The following SNTG1 variants were observed in gnomAD, a reference collection of about 807,000 sequenced individuals.
SNTG1 encodes the protein syntrophin gamma 1.
A neutral mutation model predicts 74.7 loss-of-function variants in SNTG1; 39 were observed. The ratio of observed to expected loss-of-function variants is 0.52; its 90% CI spans 0.40 to 0.68. The LOEUF is 0.68. Ranked by LOEUF, SNTG1 falls within the 30% of genes least tolerant of loss-of-function variation. SNTG1 has a pLI of 0.00. For synonymous variants in SNTG1, 254 were observed against 217.1 expected (o/e 1.17, Z -1.49); for missense variants, 685 against 609.5 (o/e 1.12, Z -1.30).
intron 1 of SNTG1, among the ~76,000 whole-genome samples, chr8:49,996,082 A>G (rs1814183991): frequency 6.6e-6 from 1 of 152,188 alleles, no homozygotes; most frequent in African/African-American, 2.4e-5. Flanking sequence ...TATGATATTT[A>G]CTTTTATTAT....
At chr8:50,709,670 C>T (rs1038586571) in intron 17 of SNTG1, among the ~76,000 whole-genome samples, 1 of 152,092 alleles carries the variant, frequency 6.6e-6, no homozygotes, top group African/African-American at 2.4e-5. Context: ...TAATTGGAAG[C>T]GATCTTAAAG....
chr8:50,587,443 G>A (rs1369873724), intron 12 of SNTG1, among the ~76,000 whole-genome samples: 2 of 152,064 alleles, frequency 1.3e-5, no homozygotes, highest in Non-Finnish European at 2.9e-5. Flanking sequence ...ATACTTCAGT[G>A]TATGCTACAT....
At chr8:50,728,725 G>T (rs1197453232) in intron 17 of SNTG1, among the ~76,000 whole-genome samples, 1 of 152,162 alleles carries the variant, frequency 6.6e-6, no homozygotes, top group Non-Finnish European at 1.5e-5. Context: ...GAGCCAGGCT[G>T]TTGTAAAATC....
chr8:50,010,434 A>G (rs182067519), intron 1 of SNTG1, among the ~76,000 whole-genome samples: 1 of 152,318 alleles, frequency 6.6e-6, no homozygotes, highest in Admixed American at 6.5e-5. Context: ...AATTCTTGTC[A>G]TAGCCATTTT....
intron 18 of SNTG1, among the ~76,000 whole-genome samples, chr8:50,787,496 T>C (rs1362544320): frequency 1.3e-5 from 2 of 151,918 alleles, no homozygotes; most frequent in Non-Finnish European, 2.9e-5. Flanking sequence ...CACTTCTAGA[T>C]ATATTCAAGA....
chr8:50,253,620 G>A (rs939917887), intron 2 of SNTG1, among the ~76,000 whole-genome samples: 7 of 68,768 alleles, frequency 1.0e-4, no homozygotes, highest in Admixed American at 8.0e-4. Context: ...AAAATGTGGT[G>A]TGTGTGTGTG....
chr8:50,334,156 C>CAA (rs1028786451), intron 2 of SNTG1, among the ~76,000 whole-genome samples: 2 of 152,142 alleles, frequency 1.3e-5, no homozygotes, highest in African/African-American at 4.8e-5. Context: ...CTCGGCCTCC[C>CAA]AAAGTGCCGG....
chr8:50,517,616 C>CAAAAAAAAAAA (rs1161724778), intron 9 of SNTG1, among the ~76,000 whole-genome samples: 35 of 62,274 alleles, frequency 5.6e-4, no homozygotes, highest in Non-Finnish European at 9.3e-4. Flanking sequence ...AAATGGAAAG[C>CAAAAAAAAAAA]AAAAAAAAAA....
At chr8:50,536,530 A>G (rs2094308423) in intron 10 of SNTG1, 148 bp from the exon 11 acceptor site, 1 of 882,980 alleles carries the variant, frequency 1.1e-6, no homozygotes. Context: ...TTTAGTGTCC[A>G]TAATTTGGAC....
chr8:50,668,499 ATTATTATTATTAT>A (rs1296676044), intron 15 of SNTG1, among the ~76,000 whole-genome samples: 2 of 11,864 alleles, frequency 1.7e-4, no homozygotes, highest in Non-Finnish European at 1.0e-3. Flanking sequence ...TTCGCACATT[ATTATTATTATTAT>A]TATTATTATT....
At chr8:50,312,270 T>TATC (rs2090142204) in intron 2 of SNTG1, among the ~76,000 whole-genome samples, 1 of 152,176 alleles carries the variant, frequency 6.6e-6, no homozygotes, top group African/African-American at 2.4e-5. Context: ...TCCCCCCATC[T>TATC]ATCTTTTCTG....
At chr8:50,584,869 T>C (rs2094637094) in intron 12 of SNTG1, among the ~76,000 whole-genome samples, 1 of 152,112 alleles carries the variant, frequency 6.6e-6, no homozygotes, top group South Asian at 2.1e-4. Flanking sequence ...TTCTGCTGTG[T>C]TGTGCTGAAC....
intron 18 of SNTG1, among the ~76,000 whole-genome samples, chr8:50,784,063 G>T (rs1311308838): frequency 6.6e-6 from 1 of 152,180 alleles, no homozygotes; most frequent in South Asian, 2.1e-4. Context: ...ACCTCCACTG[G>T]AAGTTAAACA....
intron 18 of SNTG1, among the ~76,000 whole-genome samples, chr8:50,765,319 C>T (rs73575102): frequency 5.3e-5 from 8 of 152,064 alleles, no homozygotes; most frequent in Non-Finnish European, 8.8e-5. Flanking sequence ...TCTCAGGTCA[C>T]GTGGCTAGAA....
chr8:50,290,286 T>C (rs1252118813), intron 2 of SNTG1, among the ~76,000 whole-genome samples: 2 of 152,196 alleles, frequency 1.3e-5, no homozygotes, highest in Non-Finnish European at 2.9e-5. Flanking sequence ...TTACATTATT[T>C]CTCCCTAAGA....
At chr8:50,133,723 T>C (rs774990300) in intron 1 of SNTG1, among the ~76,000 whole-genome samples, 3 of 152,166 alleles carry the variant, frequency 2.0e-5, no homozygotes, top group Non-Finnish European at 4.4e-5. Context: ...TCATTGTGTG[T>C]CTCTTCTCTT....
chr8:50,310,814 G>C (rs1042968613), intron 2 of SNTG1, among the ~76,000 whole-genome samples: 1 of 152,200 alleles, frequency 6.6e-6, no homozygotes, highest in African/African-American at 2.4e-5. Context: ...AGTATTGTGA[G>C]ATAAGATATA....
intron 15 of SNTG1, among the ~76,000 whole-genome samples, chr8:50,682,532 C>T (rs1244545237): frequency 6.6e-6 from 1 of 152,112 alleles, no homozygotes; most frequent in Non-Finnish European, 1.5e-5. Flanking sequence ...AATAGAGAAT[C>T]AAAGAATAAG....
intron 13 of SNTG1, among the ~76,000 whole-genome samples, chr8:50,604,506 T>C (rs1472104441): frequency 6.6e-6 from 1 of 152,076 alleles, no homozygotes; most frequent in Non-Finnish European, 1.5e-5. Flanking sequence ...TACAAGGCAA[T>C]GCCCTTTCCA....
Sources: gnomAD v4.1 joint callset for allele counts (sites outside exome capture counted in the v4.1 genomes callset) on GRCh38, gnomAD v4.1.1 for gene constraint, MANE v1.5 for transcripts, NCBI Gene and HGNC (gene_info 2026-07-23, HGNC 2026-07-21) for gene names.